The following DOCK10 variants were observed in gnomAD, a reference collection of about 807,000 sequenced individuals.
The protein encoded by DOCK10 is dedicator of cytokinesis protein 10.
DOCK10 carries 145 observed loss-of-function variants against 280.1 expected under a neutral mutation model. The ratio of observed to expected loss-of-function variants is 0.52; its 90% CI spans 0.45 to 0.59. DOCK10 has a LOEUF of 0.59. Ranked by LOEUF, DOCK10 falls within the 20% of genes least tolerant of loss-of-function variation. The pLI, the probability that DOCK10 is intolerant of heterozygous loss-of-function variation, is 0.00. For missense variants in DOCK10, 2,368 were observed against 2,651.7 expected (o/e 0.89, Z 2.35); for synonymous variants, 915 against 942.2 (o/e 0.97, Z 0.53).
At position 224,787,113 on chromosome 2, in the gene DOCK10, T is replaced by C. The variant is rs1396977534; in HGVS notation, c.5564A>G (p.Asp1855Gly). 1.9e-6 allele frequency: 3 copies of C among 1,613,964 alleles called. No homozygotes were observed. The South Asian group carries it at 3.3e-5, about 18-fold the overall frequency. The change falls in exon 50 of 56, where the codon GAC becomes GGC. Residue 1855 changes from aspartate to glycine, a missense_variant. Asp to Gly is a moderately conservative substitution (Grantham distance 94). Coordinates refer to ENST00000258390, the MANE Select transcript of DOCK10 (RefSeq NM_014689.3). ...DFKKLSDLYY[D>G]IHRSYLKVAE... ...CACTTTCAGATATGACCGATGAATG[T>C]CGTAGTAGAGATCTGACAATTTCTG...
chr2:224,780,970 T>A (rs1232853496), intron 50 of DOCK10, among the ~76,000 whole-genome samples: 1 of 151,650 alleles, frequency 6.6e-6, no homozygotes, highest in Non-Finnish European at 1.5e-5. Context: ...CCTTGGGCTG[T>A]GGGATGGGAA....
intron 3 of DOCK10, among the ~76,000 whole-genome samples, chr2:224,913,893 A>T (rs1701172536): frequency 6.6e-6 from 1 of 151,722 alleles, no homozygotes; most frequent in African/African-American, 2.4e-5. Flanking sequence ...ACGTCTGGCT[A>T]ATTTTTTGGT....
chr2:224,949,208 C>T (rs1350933776), intron 1 of DOCK10, among the ~76,000 whole-genome samples: 2 of 152,174 alleles, frequency 1.3e-5, no homozygotes, highest in African/African-American at 2.4e-5. Context: ...TGTTTCTCAA[C>T]CATTCTATGA....
chr2:224,933,951 T>A (rs1702541664), intron 1 of DOCK10, among the ~76,000 whole-genome samples: 1 of 152,170 alleles, frequency 6.6e-6, no homozygotes, highest in Admixed American at 6.5e-5. Context: ...AAAGAAGATC[T>A]TTTTCTGGTA....
At chr2:224,890,506 GTGACTTA>G (rs1393642142) in intron 4 of DOCK10, among the ~76,000 whole-genome samples, 1 of 152,198 alleles carries the variant, frequency 6.6e-6, no homozygotes, top group African/African-American at 2.4e-5. Context: ...CATAGATTTA[GTGACTTA>G]TGACCAACTC....
intron 1 of DOCK10, among the ~76,000 whole-genome samples, chr2:225,013,931 C>G (rs1359065799): frequency 1.3e-5 from 2 of 151,942 alleles, no homozygotes; most frequent in Non-Finnish European, 2.9e-5. Flanking sequence ...ATAAGTAACT[C>G]AAGAAATATA....
chr2:225,015,168 GT>G (rs536509747), intron 1 of DOCK10, among the ~76,000 whole-genome samples: 2 of 151,128 alleles, frequency 1.3e-5, no homozygotes, highest in East Asian at 1.9e-4. Flanking sequence ...ATAGCAGTCT[GT>G]TTTTTTTTAA....
intron 14 of DOCK10, chr2:224,861,254 C>T (rs186060441): frequency 6.6e-5 from 10 of 152,318 alleles, no homozygotes; most frequent in African/African-American, 2.4e-4. Flanking sequence ...GGATAAAGTA[C>T]TATTCATGAT....
intron 1 of DOCK10, among the ~76,000 whole-genome samples, chr2:224,940,322 T>G (rs1702958832): frequency 6.6e-6 from 1 of 152,220 alleles, no homozygotes; most frequent in Non-Finnish European, 1.5e-5. Flanking sequence ...TGGACTGTGT[T>G]TGTTCATTGG....
chr2:224,899,430 A>C (rs949722280), intron 3 of DOCK10, among the ~76,000 whole-genome samples: 1 of 152,218 alleles, frequency 6.6e-6, no homozygotes, highest in African/African-American at 2.4e-5. Context: ...CAAAAAACAA[A>C]ATTCCATGCC....
At chr2:224,833,141 A>T (rs1197603829) in intron 26 of DOCK10, among the ~76,000 whole-genome samples, 1 of 152,062 alleles carries the variant, frequency 6.6e-6, no homozygotes, top group Non-Finnish European at 1.5e-5. Flanking sequence ...ACTGTAGTCG[A>T]TTCTCAACAC....
intron 11 of DOCK10, among the ~76,000 whole-genome samples, chr2:224,865,686 T>C (rs555569409): frequency 6.6e-6 from 1 of 152,318 alleles, no homozygotes; most frequent in Admixed American, 6.5e-5. Context: ...TAAGAGGAGT[T>C]GATATCTTAG....
At position 224,819,440 on chromosome 2, in the gene DOCK10, TCTTAC is replaced by T; in HGVS notation, c.3267+1_3267+5del. 6.3e-7 allele frequency: 1 copy of T among 1,588,742 alleles called. No homozygotes were observed. Among genetic ancestry groups the T allele is most frequent in the African/African-American group, 1.4e-5 (1 of 73,942 alleles). ...GAAAACAATCACTCCTGTACGTGGTTCTTACCTTAAGGTCACCGGAGGAGAACATG... is the reference window on the plus strand; with the variant it reads ...GAAAACAATCACTCCTGTACGTGGTTCTTAAGGTCACCGGAGGAGAACATG... On this transcript the variant is annotated splice_donor_variant and splice_donor_5th_base_variant and intron_variant, in intron 29 of 55. Coordinates refer to ENST00000258390, the MANE Select transcript of DOCK10 (RefSeq NM_014689.3). LOFTEE classifies it high-confidence loss of function.
intron 1 of DOCK10, among the ~76,000 whole-genome samples, chr2:224,932,902 A>T (rs1388175082): frequency 6.6e-6 from 1 of 152,186 alleles, no homozygotes; most frequent in South Asian, 2.1e-4. Flanking sequence ...ATAATTTTCC[A>T]AATATAAAAA....
intron 2 of DOCK10, among the ~76,000 whole-genome samples, chr2:224,930,726 CCCTTCAGCTG>C (rs1250220131): frequency 1.3e-5 from 2 of 152,164 alleles, no homozygotes; most frequent in African/African-American, 4.8e-5. Flanking sequence ...CACAGGGATA[CCCTTCAGCTG>C]CCTTTTTATT....
intron 14 of DOCK10, among the ~76,000 whole-genome samples, chr2:224,859,437 T>A (rs1248478026): frequency 6.6e-6 from 1 of 152,126 alleles, no homozygotes; most frequent in African/African-American, 2.4e-5. Context: ...CCCGAGTCAA[T>A]GAGTATAAAA....
intron 16 of DOCK10, among the ~76,000 whole-genome samples, chr2:224,853,507 A>G (rs2125556087): frequency 6.6e-6 from 1 of 152,350 alleles, no homozygotes; most frequent in African/African-American, 2.4e-5. Context: ...CTGATACATG[A>G]CTGAAAAAAG....
chr2:224,883,040 G>T (rs1044454155), intron 7 of DOCK10, among the ~76,000 whole-genome samples: 1 of 152,156 alleles, frequency 6.6e-6, no homozygotes, highest in African/African-American at 2.4e-5. Flanking sequence ...TGATGAAGAG[G>T]AATATAAATG....
At chr2:224,904,213 A>G (rs1250223854) in intron 3 of DOCK10, among the ~76,000 whole-genome samples, 2 of 152,258 alleles carry the variant, frequency 1.3e-5, no homozygotes, top group Non-Finnish European at 1.5e-5. Context: ...ATGGCTTTAA[A>G]TTTATTTTGT....
Sources: gnomAD v4.1 joint callset for allele counts (sites outside exome capture counted in the v4.1 genomes callset) on GRCh38, gnomAD v4.1.1 for gene constraint, MANE v1.5 for transcripts, NCBI Gene and HGNC (gene_info 2026-07-23, HGNC 2026-07-21) for gene names.